The following GABRG3 variants were observed in gnomAD, a reference collection of about 807,000 sequenced individuals.
The protein encoded by GABRG3 is gamma-aminobutyric acid type A receptor subunit gamma3, also known as gamma-aminobutyric acid receptor subunit gamma-3.
A neutral mutation model predicts 48.8 loss-of-function variants in GABRG3; 25 were observed. The ratio of observed to expected loss-of-function variants is 0.51; its 90% confidence interval spans 0.37 to 0.72. The LOEUF (loss-of-function observed/expected upper bound fraction) is 0.72, where lower values mean the gene tolerates loss of function less well. Among genes scored for constraint, GABRG3 ranks in the 30% least tolerant of loss-of-function variants. The pLI, the probability that GABRG3 is intolerant of heterozygous loss-of-function variation, is 0.00. For missense variants in GABRG3, 394 were observed against 577.9 expected (o/e 0.68, Z 3.26); for synonymous variants, 227 against 217.6 (o/e 1.04, Z -0.38).
At chr15:26,973,820 A>G (rs1894888021) in intron 1 of GABRG3, among the ~76,000 whole-genome samples, 1 of 152,228 alleles carries the variant, frequency 6.6e-6, no homozygotes, top group Non-Finnish European at 1.5e-5. Context: ...CTGAAGGTTG[A>G]GTTGTTGTTT....
At chr15:27,140,438 C>A (rs1188687387) in intron 3 of GABRG3, among the ~76,000 whole-genome samples, 1 of 152,100 alleles carries the variant, frequency 6.6e-6, no homozygotes, top group Admixed American at 6.5e-5. Flanking sequence ...TAGAGAATAT[C>A]AAAAGAAATT....
chr15:27,064,641 C>A (rs1369913144), intron 3 of GABRG3, among the ~76,000 whole-genome samples: 1 of 152,100 alleles, frequency 6.6e-6, no homozygotes, highest in Non-Finnish European at 1.5e-5. Context: ...CATCCTCCAG[C>A]CACTCTTCTT....
intron 3 of GABRG3, among the ~76,000 whole-genome samples, chr15:27,238,991 T>C (rs920457386): frequency 6.6e-5 from 10 of 151,810 alleles, no homozygotes; most frequent in African/African-American, 2.2e-4. Flanking sequence ...ACAGAGCGAG[T>C]CTCTCTAAAA....
At chr15:27,102,357 A>G (rs929790069) in intron 3 of GABRG3, among the ~76,000 whole-genome samples, 1 of 152,262 alleles carries the variant, frequency 6.6e-6, no homozygotes, top group Non-Finnish European at 1.5e-5. Flanking sequence ...CGAGGGAGCT[A>G]GAAACTCGAA....
chr15:27,163,970 G>T (rs1249917217), intron 3 of GABRG3, among the ~76,000 whole-genome samples: 1 of 152,148 alleles, frequency 6.6e-6, no homozygotes, highest in Non-Finnish European at 1.5e-5. Flanking sequence ...GACCAATTCA[G>T]TTACGGGGGG....
intron 2 of GABRG3, among the ~76,000 whole-genome samples, chr15:26,990,179 T>C (rs1443674916): frequency 6.6e-6 from 1 of 152,242 alleles, no homozygotes; most frequent in Admixed American, 6.5e-5. Flanking sequence ...GCTTTGTTTA[T>C]AGTTTTTTGA....
intron 6 of GABRG3, among the ~76,000 whole-genome samples, chr15:27,502,761 A>G (rs1415428981): frequency 6.6e-6 from 1 of 152,234 alleles, no homozygotes; most frequent in African/African-American, 2.4e-5. Context: ...ATTTCAGATT[A>G]CTAATTTATT....
chr15:27,302,386 C>G (rs1483646724), intron 3 of GABRG3, among the ~76,000 whole-genome samples: 3 of 151,890 alleles, frequency 2.0e-5, no homozygotes, highest in African/African-American at 7.2e-5. Context: ...TAGAAAATTA[C>G]CAGGGACAGT....
intron 3 of GABRG3, among the ~76,000 whole-genome samples, chr15:27,276,575 G>A (rs1042252941): frequency 2.0e-5 from 3 of 152,064 alleles, no homozygotes; most frequent in Non-Finnish European, 2.9e-5. Context: ...AAATTATTAA[G>A]AAATAAATAA....
chr15:27,056,047 C>G (rs57254597), intron 3 of GABRG3, among the ~76,000 whole-genome samples: 1 of 151,966 alleles, frequency 6.6e-6, no homozygotes, highest in Non-Finnish European at 1.5e-5. Context: ...CAAATAGTCA[C>G]AAACAGAAAA....
chr15:27,355,395 C>T (rs1894801841), intron 5 of GABRG3, among the ~76,000 whole-genome samples: 1 of 152,180 alleles, frequency 6.6e-6, no homozygotes, highest in Non-Finnish European at 1.5e-5. Context: ...CACCATAGGT[C>T]ATGAGGGAAA....
At chr15:27,328,670 C>A (rs111581810) in intron 4 of GABRG3, 136 bp from the exon 5 acceptor site, 45 of 657,736 alleles carry the variant, frequency 6.8e-5, no homozygotes, top group Admixed American at 1.4e-4. Context: ...GAATGGTTCC[C>A]GGGCCAAGAG....
chr15:27,223,710 C>G (rs2140442394), intron 3 of GABRG3, among the ~76,000 whole-genome samples: 1 of 152,206 alleles, frequency 6.6e-6, no homozygotes, highest in Admixed American at 6.5e-5. Context: ...TGTCTAGTAC[C>G]TTGTCCCCCG....
At chr15:27,144,922 T>C (rs536393369) in intron 3 of GABRG3, among the ~76,000 whole-genome samples, 2 of 152,254 alleles carry the variant, frequency 1.3e-5, no homozygotes, top group East Asian at 1.9e-4. Flanking sequence ...AAGATGTCAA[T>C]AGCCACAGAT....
chr15:27,271,819 A>G (rs1891100436), intron 3 of GABRG3, among the ~76,000 whole-genome samples: 1 of 152,094 alleles, frequency 6.6e-6, no homozygotes, highest in Admixed American at 6.5e-5. Context: ...TTGCTGTTAA[A>G]ACTTGTCTTT....
At chr15:27,413,225 A>T (rs1377500048) in intron 5 of GABRG3, among the ~76,000 whole-genome samples, 1 of 152,218 alleles carries the variant, frequency 6.6e-6, no homozygotes, top group African/African-American at 2.4e-5. Flanking sequence ...ACAATAATTC[A>T]TGATTAAAGT....
At chr15:27,313,356 C>A (rs1893096038) in intron 3 of GABRG3, among the ~76,000 whole-genome samples, 1 of 128,016 alleles carries the variant, frequency 7.8e-6, no homozygotes, top group Admixed American at 9.0e-5. Context: ...ATTGATGGAA[C>A]TGAAGGAAGA....
chr15:27,298,489 G>A (rs963443075), intron 3 of GABRG3, among the ~76,000 whole-genome samples: 3 of 152,104 alleles, frequency 2.0e-5, no homozygotes, highest in African/African-American at 7.2e-5. Flanking sequence ...TAGGGGAATA[G>A]TCAATTATGT....
chr15:27,143,612 G>A (rs1898145470), intron 3 of GABRG3, among the ~76,000 whole-genome samples: 1 of 152,190 alleles, frequency 6.6e-6, no homozygotes, highest in South Asian at 2.1e-4. Context: ...AACAACATTT[G>A]AGATGATGCC....
Sources: allele counts gnomAD v4.1 joint callset (sites outside exome capture counted in the v4.1 genomes callset), GRCh38; gene constraint gnomAD v4.1.1; transcripts MANE v1.5; gene names NCBI Gene and HGNC (gene_info 2026-07-23, HGNC 2026-07-21).